Variants in CARS1 observed in about 807,000 individuals in gnomAD.
CARS1 encodes the protein cysteine--tRNA ligase, cytoplasmic.
In CARS1, 48 loss-of-function variants were observed where a neutral mutation model predicts 106.2. The observed-to-expected ratio is 0.45, with a 90% CI of 0.36 to 0.57. CARS1 has a LOEUF of 0.57. Among genes scored for constraint, CARS1 ranks in the 20% least tolerant of loss-of-function variants. CARS1 has a pLI of 0.00. For missense variants in CARS1, 968 were observed against 1,057.2 expected (o/e 0.92, Z 1.17); for synonymous variants, 409 against 403.4 (o/e 1.01, Z -0.17).
intron 18 of CARS1, chr11:3,009,324 G>A (rs1392412334): frequency 5.3e-5 from 8 of 152,220 alleles, no homozygotes; most frequent in Non-Finnish European, 8.8e-5. Flanking sequence ...CGTGATCAGC[G>A]AAATAAGCCA....
Position 3,055,762 on chromosome 11 carries a change from G to A in CARS1, c.25+1581C>T, listed in dbSNP as rs148180145. Among the ~76,000 whole-genome samples the A allele has an allele frequency of 2.0e-3, 300 of 152,346 alleles. 2 individuals are homozygous for A. Among genetic ancestry groups the A allele is most frequent in the Admixed American group, 5.6e-3 (85 of 15,304 alleles). On this transcript the variant is annotated intron_variant, in intron 1 of 22. Transcript: ENST00000380525. ...ACAAATGAACAAAAACACATTTTTA[G>A]TTTGAAAACAAACAGGCCCTAACTT...
intron 10 of CARS1, among the ~76,000 whole-genome samples, chr11:3,023,107 T>C (rs1017132777): frequency 3.3e-5 from 5 of 152,034 alleles, no homozygotes; most frequent in African/African-American, 1.2e-4. Context: ...CAAGAATAAA[T>C]GGTATTTAAG....
Position 3,038,262 on chromosome 11 carries a change from G to A in CARS1, c.652-63C>T. ...GCTCAGCAAAACCTAAATTCATAAAGGTGATTCCAGGTAGAAAACAGAACG... is the reference window on the plus strand; with the variant it reads ...GCTCAGCAAAACCTAAATTCATAAAAGTGATTCCAGGTAGAAAACAGAACG... On this transcript the variant is annotated intron_variant, in intron 6 of 22. Transcript: ENST00000380525. This position sits in a 1 kb window ranked among gnomAD's most constrained non-coding sequence, Gnocchi z 4.0. 6.9e-7 allele frequency: 1 copy of A among 1,455,818 alleles called. No homozygotes were observed. The highest frequency in any genetic ancestry group is 1.2e-5 in the South Asian group (1 of 85,210). 90.2% of individuals were successfully genotyped at this position (1,455,818 alleles called of 1,614,324 possible). A position where few individuals can be genotyped will look rare whatever the true frequency, so the allele number is the denominator to read the frequency against.
rs1849594429 is a variant in CARS1, at chr11:3,003,591, C to T, written c.2218-991G>A. Among the ~76,000 whole-genome samples, 2 of 151,946 alleles carry T rather than the reference C, an allele frequency of 1.3e-5. No homozygotes were observed. Among genetic ancestry groups the T allele is most frequent in the Non-Finnish European group, 2.9e-5 (2 of 68,004 alleles). On this transcript the variant is annotated intron_variant, in intron 20 of 22. Coordinates refer to ENST00000380525, the MANE Select transcript of CARS1 (RefSeq NM_001014437.3). The surrounding 1 kb of genome is among the most constrained non-coding windows in gnomAD (Gnocchi z 4.8). ...CTAGGGAAAAGAAACCAGGAAGGCA[C>T]AAAGGTCTCAGAGACTCAGGATGGG...
chr11:3,011,781 C>T (rs1269906911), intron 18 of CARS1, among the ~76,000 whole-genome samples: 1 of 152,206 alleles, frequency 6.6e-6, no homozygotes. Flanking sequence ...CACACCTCAG[C>T]GCACCCAGCC....
Position 3,028,833 on chromosome 11 carries a change from G to A in CARS1, c.1031+163C>T. ...TGCAGACCCATGCTCCTCAGCCCCTGGGTGGGCCCAGAGTTGTAGGAGGAA... is the reference window on the plus strand; with the variant it reads ...TGCAGACCCATGCTCCTCAGCCCCTAGGTGGGCCCAGAGTTGTAGGAGGAA... On this transcript the variant is annotated intron_variant, in intron 9 of 22. Transcript: ENST00000380525. This position sits in a 1 kb window ranked among gnomAD's most constrained non-coding sequence, Gnocchi z 4.4. 3 of 628,120 alleles carry A rather than the reference G, an allele frequency of 4.8e-6. No individual in the cohort carries two copies. The highest frequency in any genetic ancestry group is 8.5e-6 in the Non-Finnish European group (3 of 350,956). 38.9% of individuals were successfully genotyped at this position (628,120 alleles called of 1,614,324 possible).
chr11:3,028,461 C>T lies in CARS1; in HGVS notation c.1031+535G>A. ...GGGGCTGGTCCCTACACACTACAGACAGATAACCGGGTTCCTGTCTGCATT... is the reference window on the plus strand; with the variant it reads ...GGGGCTGGTCCCTACACACTACAGATAGATAACCGGGTTCCTGTCTGCATT... On this transcript the variant is annotated intron_variant, in intron 9 of 22. Transcript: ENST00000380525. The surrounding 1 kb of genome is among the most constrained non-coding windows in gnomAD (Gnocchi z 4.4). 4.8e-6 allele frequency: 1 copy of T among 207,862 alleles called. No homozygotes were observed. The highest frequency in any genetic ancestry group is 9.5e-6 in the Non-Finnish European group (1 of 105,574). The allele number at this position is 207,862 out of a possible 1,614,324, so 12.9% of individuals were successfully genotyped here.
At chr11:3,002,086 C>CAGGTG in intron 21 of CARS1, 33 bp from the exon 22 acceptor site, 1 of 1,430,300 alleles carries the variant, frequency 7.0e-7, no homozygotes, top group Non-Finnish European at 9.9e-7. Context: ...GTCACTGCCC[C>CAGGTG]CGAGCAGCAC....
At position 3,038,566 on chromosome 11, in the gene CARS1, G is replaced by C. The variant is rs867945112; in HGVS notation, c.652-367C>G. Reference sequence around the variant, plus strand: ...GACACATCCATCAGGAAGGTACTCAGGCCTCACTGACCTAAAAGATTGCTC... The same window carrying C: ...GACACATCCATCAGGAAGGTACTCACGCCTCACTGACCTAAAAGATTGCTC... On this transcript the variant is annotated intron_variant, in intron 6 of 22. Transcript: ENST00000380525. This position sits in a 1 kb window ranked among gnomAD's most constrained non-coding sequence, Gnocchi z 4.0. Among the ~76,000 whole-genome samples, 18 of 152,300 alleles carry C rather than the reference G, an allele frequency of 1.2e-4. No homozygotes were observed. Among genetic ancestry groups the C allele is most frequent in the African/African-American group, 3.6e-4 (15 of 41,572 alleles).
rs564436407 is a variant in CARS1, at chr11:3,012,079, A to G, written c.2068+116T>C. The G allele has an allele frequency of 2.5e-5, 23 of 935,898 alleles. No homozygotes were observed. The South Asian group carries it at 2.9e-4, about 12-fold the overall frequency. The allele number at this position is 935,898 out of a possible 1,614,324, so 58.0% of individuals were successfully genotyped here. A position where few individuals can be genotyped will look rare whatever the true frequency, so the allele number is the denominator to read the frequency against. On this transcript the variant is annotated intron_variant, in intron 18 of 22. Coordinates refer to ENST00000380525, the MANE Select transcript of CARS1 (RefSeq NM_001014437.3). Reference sequence around the variant, plus strand: ...TTCAACACCCTGTGGTGCACGGGGCAGCCTTCCCAGAGGATGATCCGGCCT... The same window carrying G: ...TTCAACACCCTGTGGTGCACGGGGCGGCCTTCCCAGAGGATGATCCGGCCT...
Position 3,038,484 on chromosome 11 carries a change from G to T in CARS1, c.652-285C>A, listed in dbSNP as rs1206182260. On this transcript the variant is annotated intron_variant, in intron 6 of 22. Transcript: ENST00000380525. The surrounding 1 kb of genome is among the most constrained non-coding windows in gnomAD (Gnocchi z 4.0). ...TTGGGTGTGAGAGCAGTATTTCTAG[G>T]GCTGTTCTGGGGATGAGGAAAAGTA... Among the ~76,000 whole-genome samples the T allele has an allele frequency of 6.6e-6, 1 of 152,174 alleles. No individual in the cohort carries two copies. Among genetic ancestry groups the T allele is most frequent in the Non-Finnish European group, 1.5e-5 (1 of 68,032 alleles).
At chr11:3,014,013 C>A (rs1429712917) in intron 17 of CARS1, among the ~76,000 whole-genome samples, 1 of 152,130 alleles carries the variant, frequency 6.6e-6, no homozygotes, top group Non-Finnish European at 1.5e-5. Flanking sequence ...GCCCTTAAGT[C>A]TAAGCCAAGC....
chr11:3,040,324 T>C lies in CARS1; in HGVS notation c.456-393A>G, dbSNP rs1431418702. 6.3e-6 allele frequency: 2 copies of C among 316,956 alleles called. No homozygotes were observed. Among genetic ancestry groups the C allele is most frequent in the Non-Finnish European group, 1.2e-5 (2 of 164,302 alleles). 19.6% of individuals were successfully genotyped at this position (316,956 alleles called of 1,614,324 possible). On this transcript the variant is annotated intron_variant, in intron 4 of 22. Coordinates refer to ENST00000380525, the MANE Select transcript of CARS1 (RefSeq NM_001014437.3). The surrounding 1 kb of genome is among the most constrained non-coding windows in gnomAD (Gnocchi z 5.8). The stretch of plus-strand genomic sequence containing the variant: ...AGTTTTTGGGGAATCAAAAGTTATG[T>C]GTGGATTTTCAACTGTGCAGAGGGT...
intron 7 of CARS1, among the ~76,000 whole-genome samples, chr11:3,032,953 G>A (rs894065412): frequency 4.0e-5 from 6 of 151,780 alleles, no homozygotes; most frequent in Non-Finnish European, 8.8e-5. Context: ...CGTACCCCCT[G>A]GTGGGTGCGG....
Position 3,038,394 on chromosome 11 carries a change from C to T in CARS1, c.652-195G>A, listed in dbSNP as rs1353343403. On this transcript the variant is annotated intron_variant, in intron 6 of 22. Coordinates refer to ENST00000380525, the MANE Select transcript of CARS1 (RefSeq NM_001014437.3). The surrounding 1 kb of genome is among the most constrained non-coding windows in gnomAD (Gnocchi z 4.0). ...CCCGGCTCAGGAGCTCCTGGTTCTG[C>T]CCTCTCACGTGTGACCCTGGACAGG... Among the ~76,000 whole-genome samples the T allele has an allele frequency of 6.6e-6, 1 of 152,194 alleles. No homozygotes were observed. Among genetic ancestry groups the T allele is most frequent in the African/African-American group, 2.4e-5 (1 of 41,440 alleles).
rs1213570209 is a variant in CARS1, at chr11:3,044,040, A to C, written c.275-1784T>G. 1.3e-5 allele frequency among the ~76,000 whole-genome samples: 2 copies of C among 152,260 alleles called. No homozygotes were observed. The highest frequency in any genetic ancestry group is 3.9e-4 in the East Asian group (2 of 5,174). On this transcript the variant is annotated intron_variant, in intron 2 of 22. Coordinates refer to ENST00000380525, the MANE Select transcript of CARS1 (RefSeq NM_001014437.3). The surrounding 1 kb of genome is among the most constrained non-coding windows in gnomAD (Gnocchi z 4.4). ...ATGCCTCACAAGCCCTTGAAGGAGA[A>C]TCTCACTCAATGCCTGGAGGCATTC...
At chr11:3,012,377 TG>T in intron 17 of CARS1, 101 bp from the exon 18 acceptor site, 1 of 988,752 alleles carries the variant, frequency 1.0e-6, no homozygotes. Flanking sequence ...GGGACTGGCA[TG>T]GGCAGTGCTG....
chr11:3,001,706 G>C (rs1261660945), intron 22 of CARS1, among the ~76,000 whole-genome samples: 3 of 152,192 alleles, frequency 2.0e-5, no homozygotes, highest in Non-Finnish European at 4.4e-5. Context: ...ATCTTGGCCC[G>C]GGGCCACAAC....
rs772745117 is a variant in CARS1, at chr11:3,029,443, C to G, written c.802G>C (p.Val268Leu). Residue 268 changes from valine to leucine, a missense_variant and splice_region_variant, in exon 8 of 23, where the codon GTG (valine) becomes CTG (leucine). Physicochemically the swap from Val to Leu is conservative, Grantham distance 32. Coordinates refer to ENST00000380525, the MANE Select transcript of CARS1 (RefSeq NM_001014437.3). This position sits in a 1 kb window ranked among gnomAD's most constrained non-coding sequence, Gnocchi z 5.9. ...TGEEVNSCVE[V>L]LLEEAKDLLS... ...AAATCCTTGGCTTCTTCCAGCAACA[C>G]CTGAAGAGAAAGAAACAAAAATCCA... The G allele has an allele frequency of 3.7e-6, 6 of 1,613,548 alleles. No individual in the cohort carries two copies. The highest frequency in any genetic ancestry group is 5.1e-6 in the Non-Finnish European group (6 of 1,179,890).
Sources: allele counts gnomAD v4.1 joint callset (sites outside exome capture counted in the v4.1 genomes callset), GRCh38; gene constraint gnomAD v4.1.1; non-coding constraint Gnocchi (gnomAD v3.1); transcripts MANE v1.5; gene names NCBI Gene and HGNC (gene_info 2026-07-23, HGNC 2026-07-21).